NFIC: variants seen among roughly 807,000 people sequenced by gnomAD.
NFIC encodes nuclear factor 1 C-type.
In NFIC, 12 loss-of-function variants were observed where a neutral mutation model predicts 54.4. That is an observed-to-expected ratio of 0.22 (90% CI 0.14 to 0.36). The LOEUF is 0.36. Among genes scored for constraint, NFIC ranks in the 10% least tolerant of loss-of-function variants. The probability of loss-of-function intolerance (pLI) is 1.00; values close to 1 mark genes in which losing one functional copy is unlikely to be tolerated. For synonymous variants in NFIC, 322 were observed against 319.2 expected, an observed-to-expected ratio of 1.01 and a Z score of -0.09; for missense variants, 575 against 718.2, an observed-to-expected ratio of 0.80 and a Z score of 2.28.
intron 6 of NFIC, among the ~76,000 whole-genome samples, chr19:3,446,769 C>T (rs750085035): frequency 6.6e-5 from 10 of 152,176 alleles, no homozygotes; most frequent in Non-Finnish European, 1.0e-4. Context: ...CTGTGGCTCA[C>T]GCCTGTAATC....
At chr19:3,430,403 C>T (rs900457831) in intron 3 of NFIC, among the ~76,000 whole-genome samples, 8 of 151,824 alleles carry the variant, frequency 5.3e-5, no homozygotes, top group Non-Finnish European at 1.0e-4. Flanking sequence ...TTTGTATTTT[C>T]AGTAGAGATG....
At chr19:3,394,011 C>T (rs2081418089) in intron 2 of NFIC, among the ~76,000 whole-genome samples, 3 of 151,214 alleles carry the variant, frequency 2.0e-5, no homozygotes, top group South Asian at 2.1e-4. Flanking sequence ...GGTGCAATCT[C>T]GGCTCACTGC....
intron 2 of NFIC, among the ~76,000 whole-genome samples, chr19:3,405,631 C>G (rs1182137900): frequency 6.6e-6 from 1 of 151,960 alleles, no homozygotes; most frequent in Admixed American, 6.6e-5. Context: ...TGGAGTTTCA[C>G]TCTTGTTGCC....
intron 2 of NFIC, among the ~76,000 whole-genome samples, chr19:3,424,236 C>T (rs1599662609): frequency 6.6e-6 from 1 of 152,206 alleles, no homozygotes; most frequent in African/African-American, 2.4e-5. Flanking sequence ...CCATGTTAGC[C>T]AGGCTGGTCT....
chr19:3,408,841 C>T (rs773906749), intron 2 of NFIC, among the ~76,000 whole-genome samples: 1 of 152,096 alleles, frequency 6.6e-6, no homozygotes, highest in African/African-American at 2.4e-5. Context: ...ACCTTGTGAT[C>T]CCAAAGTGCT....
chr19:3,365,035 G>A (rs1181090481), upstream of NFIC, among the ~76,000 whole-genome samples: 7 of 152,280 alleles, frequency 4.6e-5, no homozygotes, highest in East Asian at 1.3e-3. Flanking sequence ...TTTGAATAAT[G>A]TCACCGTCAT....
At chr19:3,362,950 CA>C (rs1203471405), upstream of NFIC, among the ~76,000 whole-genome samples, 4 of 152,052 alleles carry the variant, frequency 2.6e-5, no homozygotes, top group Non-Finnish European at 4.4e-5. Flanking sequence ...CTGTGAATTG[CA>C]TTCAACTTTT....
intron 2 of NFIC, chr19:3,410,594 C>T (rs1388090591): frequency 6.6e-6 from 1 of 152,488 alleles, no homozygotes; most frequent in Non-Finnish European, 1.5e-5. Flanking sequence ...CCTTGTGGGC[C>T]ACGGGAAGAA....
At chr19:3,374,153 C>G (rs1362729291) in intron 1 of NFIC, among the ~76,000 whole-genome samples, 1 of 152,202 alleles carries the variant, frequency 6.6e-6, no homozygotes, top group Non-Finnish European at 1.5e-5. Context: ...ATTGGAGTTT[C>G]TTGTCCTGGT....
At position 3,463,179 on chromosome 19, in the gene NFIC, G is replaced by A; in HGVS notation, c.*410G>A. 2 of 1,066,818 alleles carry A rather than the reference G, an allele frequency of 1.9e-6. No homozygotes were observed. Among genetic ancestry groups the A allele is most frequent in the Non-Finnish European group, 2.3e-6 (2 of 881,992 alleles). 66.1% of individuals were successfully genotyped at this position (1,066,818 alleles called of 1,614,324 possible). On this transcript the variant is annotated 3_prime_UTR_variant, in exon 11 of 11. Coordinates refer to ENST00000443272, the MANE Select transcript of NFIC (RefSeq NM_001245002.2). ...CCGGCCGCCCGCCCGCGCCCCGGAG[G>A]CCCTGGCTCTGTCCGGAGACCAGGT...
chr19:3,453,732 C>T lies in NFIC; in HGVS notation c.1270-31C>T. On this transcript the variant is annotated intron_variant, in intron 8 of 10. Coordinates refer to ENST00000443272, the MANE Select transcript of NFIC (RefSeq NM_001245002.2). The surrounding 1 kb of genome is among the most constrained non-coding windows in gnomAD (Gnocchi z 6.7). ...AGCCCGAGGTAGAGGGGGAGCCCAC[C>T]CCTTAACCACGTGTCTCTCTGTTCC... The T allele has an allele frequency of 6.3e-7, 1 of 1,585,354 alleles. No individual in the cohort carries two copies. Among genetic ancestry groups the T allele is most frequent in the South Asian group, 1.1e-5 (1 of 87,158 alleles).
intron 2 of NFIC, among the ~76,000 whole-genome samples, chr19:3,391,374 G>A (rs1006426953): frequency 6.6e-6 from 1 of 152,188 alleles, no homozygotes; most frequent in Admixed American, 6.5e-5. Flanking sequence ...TCTATGGCCG[G>A]CTGTGGTGGC....
At chr19:3,383,602 G>A (rs376072778) in intron 2 of NFIC, among the ~76,000 whole-genome samples, 56 of 152,304 alleles carry the variant, frequency 3.7e-4, no homozygotes, top group Admixed American at 1.3e-3. Flanking sequence ...CGTGCGAGGT[G>A]TCAGCTGCAT....
Position 3,469,155 on chromosome 19 carries a change from A to G in NFIC, c.*6386A>G, listed in dbSNP as rs1599746519. ...TCCATAAAAGATTCAATAAAAGACA[A>G]ACAAAAAAAAAAGAAAAAAGAAAAA... On this transcript the variant is annotated 3_prime_UTR_variant, in exon 11 of 11. Coordinates refer to ENST00000443272, the MANE Select transcript of NFIC (RefSeq NM_001245002.2). The G allele has an allele frequency of 2.6e-5, 1 of 38,210 alleles. No individual in the cohort carries two copies. The highest frequency in any genetic ancestry group is 4.6e-5 in the Non-Finnish European group (1 of 21,938). 2.4% of individuals were successfully genotyped at this position (38,210 alleles called of 1,614,324 possible). A position where few individuals can be genotyped will look rare whatever the true frequency, so the allele number is the denominator to read the frequency against.
chr19:3,368,984 C>T (rs1270382316), intron 1 of NFIC, among the ~76,000 whole-genome samples: 9 of 149,648 alleles, frequency 6.0e-5, no homozygotes, highest in African/African-American at 9.9e-5. Flanking sequence ...TGTCTCTCCC[C>T]GCCTCTGTTT....
chr19:3,445,102 C>T (rs755575230), intron 6 of NFIC, among the ~76,000 whole-genome samples: 78 of 152,174 alleles, frequency 5.1e-4, no homozygotes, highest in Middle Eastern at 3.2e-3. Context: ...TGCTCACATG[C>T]GTACACACAC....
chr19:3,457,071 G>A (rs1457503232), intron 10 of NFIC, among the ~76,000 whole-genome samples: 4 of 152,170 alleles, frequency 2.6e-5, no homozygotes, highest in Non-Finnish European at 4.4e-5. Context: ...CGGGGTGGCC[G>A]GGGGAAACTG....
At chr19:3,423,602 C>A (rs899339808) in intron 2 of NFIC, among the ~76,000 whole-genome samples, 2 of 152,134 alleles carry the variant, frequency 1.3e-5, no homozygotes, top group African/African-American at 4.8e-5. Context: ...GGTCAGGGCT[C>A]CAGAGGGGGC....
Position 3,375,107 on chromosome 19 carries a change from G to C in NFIC, c.31-6605G>C, listed in dbSNP as rs930169454. On this transcript the variant is annotated intron_variant, in intron 1 of 10. Coordinates refer to ENST00000443272, the MANE Select transcript of NFIC (RefSeq NM_001245002.2). The surrounding 1 kb of genome is among the most constrained non-coding windows in gnomAD (Gnocchi z 4.6). ...GAGAAAAGGAATTAAGAGGAGAGGG[G>C]AAGTGGGGAGGGGGAATTCAGAGAG... Among the ~76,000 whole-genome samples the C allele has an allele frequency of 1.0e-4, 15 of 146,698 alleles. No individual in the cohort carries two copies. Among genetic ancestry groups the C allele is most frequent in the African/African-American group, 3.8e-4 (15 of 39,448 alleles).
Sources: allele counts gnomAD v4.1 joint callset (sites outside exome capture counted in the v4.1 genomes callset), GRCh38; gene constraint gnomAD v4.1.1; non-coding constraint Gnocchi (gnomAD v3.1); transcripts MANE v1.5; gene names NCBI Gene and HGNC (gene_info 2026-07-23, HGNC 2026-07-21).